TANC2: variants seen among roughly 807,000 people sequenced by gnomAD.
TANC2 encodes the protein protein TANC2.
TANC2 carries 26 observed loss-of-function variants against 210.5 expected under a neutral mutation model. The ratio of observed to expected loss-of-function variants is 0.12; its 90% CI spans 0.09 to 0.17. The LOEUF (loss-of-function observed/expected upper bound fraction) is 0.17. Among genes scored for constraint, TANC2 ranks in the 10% least tolerant of loss-of-function variants. The probability of loss-of-function intolerance (pLI) is 1.00; values close to 1 mark genes in which losing one functional copy is unlikely to be tolerated. For synonymous variants in TANC2, 931 were observed against 967.1 expected, an observed-to-expected ratio of 0.96 and a Z score of 0.69; for missense variants, 2,129 against 2,608.9, an observed-to-expected ratio of 0.82 and a Z score of 4.01.
intron 12 of TANC2, among the ~76,000 whole-genome samples, chr17:63,349,257 T>G (rs2146860299): frequency 6.6e-6 from 1 of 152,346 alleles, no homozygotes; most frequent in Middle Eastern, 3.4e-3. Flanking sequence ...TTTATGCAAA[T>G]GAAAATGTAA....
rs1405337100 is a variant in TANC2 at position 63,421,323 on chromosome 17, C to T, written c.5593C>T (p.Arg1865Cys). The change falls in exon 28 of 28, where the codon CGC (arginine) becomes TGC (cysteine). Residue 1865 changes from arginine to cysteine, a missense_variant. By Grantham distance (180) the Arg-to-Cys change is radical (BLOSUM62 -3). This residue lies in a region of TANC2 where 584 missense variants were observed against 627.3 expected (regional missense o/e 0.93). Coordinates refer to ENST00000689528, the Ensembl canonical transcript of TANC2. The surrounding 1 kb of genome is among the most constrained non-coding windows in gnomAD (Gnocchi z 6.9). ...GCTGCATTCCCAAAGTGTAGGCCTT[C>T]GCTTCTCTCCATCTAGCAATAGTAT... is the stretch of plus-strand genomic sequence containing the variant. 5 of 1,613,920 alleles carry T rather than the reference C, an allele frequency of 3.1e-6. No individual in the cohort carries two copies. The highest frequency in any genetic ancestry group is 2.7e-5 in the African/African-American group (2 of 74,922).
intron 5 of TANC2, among the ~76,000 whole-genome samples, chr17:63,162,225 AC>A (rs1247084772): frequency 6.6e-6 from 1 of 151,766 alleles, no homozygotes; most frequent in Non-Finnish European, 1.5e-5. Flanking sequence ...GATCACTTGA[AC>A]CCAGGAGTTT....
intron 14 of TANC2, among the ~76,000 whole-genome samples, chr17:63,371,253 T>G (rs1335550165): frequency 6.6e-6 from 1 of 151,978 alleles, no homozygotes; most frequent in African/African-American, 2.4e-5. Context: ...TCACCTGAGG[T>G]CAGGAGTTCA....
At chr17:63,254,410 T>A (rs1004884826) in intron 8 of TANC2, among the ~76,000 whole-genome samples, 4 of 152,216 alleles carry the variant, frequency 2.6e-5, no homozygotes, top group Admixed American at 6.5e-5. Flanking sequence ...TAAGATCATA[T>A]CATCTGCAAA....
chr17:63,218,419 G>C (rs1006615341), intron 7 of TANC2, among the ~76,000 whole-genome samples: 2 of 152,064 alleles, frequency 1.3e-5, no homozygotes, highest in South Asian at 2.1e-4. Context: ...GAACAAGACA[G>C]ATTTCTACAC....
rs185026578 is a variant in TANC2 at position 63,280,336 on chromosome 17, A to G, written c.1159+12463A>G. Among the ~76,000 whole-genome samples the G allele has an allele frequency of 1.3e-3, 202 of 152,140 alleles. 1 individual carries two copies. The highest frequency in any genetic ancestry group is 4.5e-3 in the African/African-American group (187 of 41,544). ...AAATAGTTAAAACTAAACCCCAGAT[A>G]TGTTTTTTAATTGTTGGGTAAAAAA... On this transcript the variant is annotated intron_variant, in intron 9 of 27. Transcript: ENST00000689528.
chr17:63,039,445 G>T (rs894068689), intron 2 of TANC2, among the ~76,000 whole-genome samples: 1 of 152,196 alleles, frequency 6.6e-6, no homozygotes, highest in Non-Finnish European at 1.5e-5. Flanking sequence ...GAAACATTAA[G>T]TTGCAGGCTG....
At chr17:63,027,238 C>G (rs1303392050) in intron 2 of TANC2, among the ~76,000 whole-genome samples, 2 of 152,030 alleles carry the variant, frequency 1.3e-5, no homozygotes, top group East Asian at 3.8e-4. Flanking sequence ...AGATCGGTTA[C>G]TGTAAAAATC....
intron 2 of TANC2, among the ~76,000 whole-genome samples, chr17:63,013,537 G>A (rs376015989): frequency 1.7e-4 from 26 of 151,990 alleles, no homozygotes; most frequent in African/African-American, 5.1e-4. Flanking sequence ...CGAGGCAGGC[G>A]GATCACTTGA....
At chr17:63,409,698 A>G (rs965789455) in intron 21 of TANC2, among the ~76,000 whole-genome samples, 3 of 152,168 alleles carry the variant, frequency 2.0e-5, no homozygotes, top group African/African-American at 7.2e-5. Context: ...CTCCTAGGCT[A>G]CAAACCTGTA....
intron 2 of TANC2, among the ~76,000 whole-genome samples, chr17:63,049,513 A>G (rs1320356449): frequency 6.6e-6 from 1 of 152,076 alleles, no homozygotes; most frequent in African/African-American, 2.4e-5. Flanking sequence ...TGATATGAGT[A>G]TATTCTTAGA....
intron 7 of TANC2, among the ~76,000 whole-genome samples, chr17:63,237,351 T>G (rs2042649017): frequency 6.6e-6 from 1 of 152,140 alleles, no homozygotes; most frequent in Admixed American, 6.5e-5. Context: ...TTTGAGTTCC[T>G]TGTATATTCT....
chr17:63,092,788 A>G (rs552305430), intron 3 of TANC2, among the ~76,000 whole-genome samples: 1 of 152,224 alleles, frequency 6.6e-6, no homozygotes, highest in East Asian at 1.9e-4. Context: ...CCATCATCCA[A>G]ACACCTCCCA....
intron 1 of TANC2, among the ~76,000 whole-genome samples, chr17:62,983,849 T>C (rs1002021934): frequency 2.0e-5 from 3 of 152,174 alleles, no homozygotes; most frequent in Non-Finnish European, 2.9e-5. Flanking sequence ...CTTTTTGATG[T>C]GTTACTGGAT....
exon 14 of TANC2, chr17:63,354,804 T>A: frequency 6.3e-7 from 1 of 1,575,406 alleles, no homozygotes; most frequent in Non-Finnish European, 8.6e-7. Context: ...GCTGCTGCCT[T>A]TCCATAGGAT....
intron 11 of TANC2, among the ~76,000 whole-genome samples, chr17:63,323,838 A>G (rs529681766): frequency 2.0e-5 from 3 of 152,324 alleles, no homozygotes; most frequent in Admixed American, 6.5e-5. Flanking sequence ...TGTGAATACT[A>G]TGGTTATCCC....
chr17:63,149,927 AT>A (rs1210698998), intron 4 of TANC2: 2 of 152,166 alleles, frequency 1.3e-5, no homozygotes, highest in African/African-American at 4.8e-5. Flanking sequence ...TTTTTAACAT[AT>A]ACTGAAAATA....
intron 13 of TANC2, among the ~76,000 whole-genome samples, chr17:63,353,503 A>G (rs2046683691): frequency 6.6e-6 from 1 of 152,114 alleles, no homozygotes; most frequent in African/African-American, 2.4e-5. Flanking sequence ...TGTTGAGTAG[A>G]CAGATATAAG....
intron 14 of TANC2, among the ~76,000 whole-genome samples, chr17:63,358,372 AGAGAGTATGTGTGT>A (rs1250000386): frequency 8.7e-6 from 1 of 114,996 alleles, no homozygotes; most frequent in East Asian, 2.2e-4. Flanking sequence ...AGAGAGAGAG[AGAGAGTATGTGTGT>A]GTGTGTGTGT....
Sources: gnomAD v4.1 joint callset for allele counts (sites outside exome capture counted in the v4.1 genomes callset) on GRCh38, gnomAD v4.1.1 for gene constraint, gnomAD v4.1.1 regional missense constraint, Gnocchi (gnomAD v3.1) non-coding constraint, MANE v1.5 for transcripts, NCBI Gene and HGNC (gene_info 2026-07-23, HGNC 2026-07-21) for gene names.